SNX19: variants seen among roughly 807,000 people sequenced by gnomAD.
The protein encoded by SNX19 is sorting nexin-19.
A neutral mutation model predicts 85.2 loss-of-function variants in SNX19; 60 were observed. That is an observed-to-expected ratio of 0.70 (90% CI 0.57 to 0.87). The LOEUF (loss-of-function observed/expected upper bound fraction) is 0.87. Ranked by LOEUF, SNX19 falls within the 40% of genes least tolerant of loss-of-function variation. The pLI is 0.00. For synonymous variants in SNX19, 520 were observed against 470.0 expected, an observed-to-expected ratio of 1.11 and a Z score of -1.38; for missense variants, 1,201 against 1,217.8, an observed-to-expected ratio of 0.99 and a Z score of 0.21.
chr11:130,886,984 A>C (rs988274939), intron 8 of SNX19, among the ~76,000 whole-genome samples: 41 of 152,320 alleles, frequency 2.7e-4, no homozygotes, highest in African/African-American at 9.1e-4. Flanking sequence ...CCCGAGGGCA[A>C]GAAACTACCA....
At chr11:130,908,122 C>T (rs1184835826) in intron 4 of SNX19, 39 bp from the exon 5 acceptor site, 1 of 1,606,720 alleles carries the variant, frequency 6.2e-7, no homozygotes, top group Non-Finnish European at 8.5e-7. Context: ...CCATCCACAT[C>T]CACAGATGGA....
In SNX19 at chr11:130,878,130, AG is replaced by A. The variant is rs138136433; in HGVS notation, c.*291del. ...GGAGGATGGCAAAAGGAGAAGCAAA[AG>A]GGGTTCATTCCTCTACCTCACAGCT... On this transcript the variant is annotated 3_prime_UTR_variant, in exon 11 of 11. Coordinates refer to ENST00000265909, the MANE Select transcript of SNX19 (RefSeq NM_014758.3). The A allele has an allele frequency of 0.068, 16,067 of 237,436 alleles. 719 individuals are homozygous for A. The highest frequency in any genetic ancestry group is 0.13 in the African/African-American group (5,822 of 45,266). 14.7% of individuals were successfully genotyped at this position (237,436 alleles called of 1,614,324 possible). A position where few individuals can be genotyped will look rare whatever the true frequency, so the allele number is the denominator to read the frequency against.
At position 130,876,601 on chromosome 11, in the gene SNX19, AAGGT is replaced by A. The variant is rs3833777; in HGVS notation, c.*1817_*1820del. On this transcript the variant is annotated 3_prime_UTR_variant, in exon 11 of 11. Transcript: ENST00000265909. The stretch of plus-strand genomic sequence containing the variant: ...CAGGTGGCTAAGTACACATGAGGGG[AAGGT>A]AGGTATGGGGAGAGAAAAGTGGCAT... 0.78 allele frequency: 118,899 copies of A among 151,936 alleles called. 46,957 individuals are homozygous for A. The highest frequency in any genetic ancestry group is 0.87 in the African/African-American group (36,108 of 41,296). 9.4% of individuals were successfully genotyped at this position (151,936 alleles called of 1,614,324 possible).
In SNX19 at chr11:130,869,991, A is replaced by C. The variant is rs559117851; in HGVS notation, c.*8431T>G. The C allele has an allele frequency of 6.6e-6, 1 of 152,196 alleles. No individual in the cohort carries two copies. Among genetic ancestry groups the C allele is most frequent in the South Asian group, 2.1e-4 (1 of 4,812 alleles). The allele number at this position is 152,196 out of a possible 1,614,324, so 9.4% of individuals were successfully genotyped here. A position where few individuals can be genotyped will look rare whatever the true frequency, so the allele number is the denominator to read the frequency against. On this transcript the variant is annotated 3_prime_UTR_variant, in exon 11 of 11. Transcript: ENST00000265909. ...ATGACAGATATGAAGAGTTTTTTGA[A>C]GAAAGTTTCTTCTCTGTTGCTATTT...
At position 130,868,829 on chromosome 11, in the gene SNX19, T is replaced by C. The variant is rs12099327; in HGVS notation, c.*9593A>G. 0.078 allele frequency: 11,932 copies of C among 152,172 alleles called. 577 individuals carry two copies. Among genetic ancestry groups the C allele is most frequent in the African/African-American group, 0.13 (5,476 of 41,438 alleles). 9.4% of individuals were successfully genotyped at this position (152,172 alleles called of 1,614,324 possible). On this transcript the variant is annotated 3_prime_UTR_variant, in exon 11 of 11. Transcript: ENST00000265909. Reference sequence around the variant, plus strand: ...GGGGTTGTGAGGCGTGTGGGCTCCATTGTGAGTGTAGGAAAGATGGAAAGA... The same window carrying C: ...GGGGTTGTGAGGCGTGTGGGCTCCACTGTGAGTGTAGGAAAGATGGAAAGA...
At chr11:130,894,841 A>G in intron 8 of SNX19, 1 of 985,444 alleles carries the variant, frequency 1.0e-6, no homozygotes. Context: ...CACAAGATCT[A>G]GCTGTTATAC....
At position 130,905,961 on chromosome 11, in the gene SNX19, C is replaced by A; in HGVS notation, c.2435G>T (p.Ser812Ile). 2 of 1,614,244 alleles carry A rather than the reference C, an allele frequency of 1.2e-6. No individual in the cohort carries two copies. Among genetic ancestry groups the A allele is most frequent in the Non-Finnish European group, 1.7e-6 (2 of 1,180,050 alleles). Residue 812 changes from serine to isoleucine, a missense_variant, in exon 7 of 11, where the codon AGC becomes ATC. This residue lies in a region of SNX19 where 285 missense variants were observed against 295.3 expected (regional missense o/e 0.97). Transcript: ENST00000265909. ...AAVPAQDPSN[S>I]DPGTETELAD... ...GAGACCTCGCCACTCACCTGGATCG[C>A]TGTTGCTGGGGTCTTGGGCTGGCAC...
chr11:130,910,901 T>G (rs1946057469), intron 2 of SNX19, among the ~76,000 whole-genome samples: 1 of 152,136 alleles, frequency 6.6e-6, no homozygotes, highest in African/African-American at 2.4e-5. Context: ...TTTATTACAT[T>G]AAAAAATATT....
intron 8 of SNX19, among the ~76,000 whole-genome samples, chr11:130,885,836 C>T (rs1944019961): frequency 6.6e-6 from 1 of 152,198 alleles, no homozygotes; most frequent in African/African-American, 2.4e-5. Context: ...AAGCTTCTAT[C>T]ATCCTAAGTA....
intron 8 of SNX19, chr11:130,893,958 G>T (rs890591717): frequency 5.2e-5 from 31 of 601,050 alleles, no homozygotes; most frequent in Non-Finnish European, 8.3e-5. Flanking sequence ...CAGAGGTAAA[G>T]ATCAAAAGTA....
intron 8 of SNX19, among the ~76,000 whole-genome samples, chr11:130,885,767 A>AGCCTT (rs1944014437): frequency 8.7e-6 from 1 of 115,034 alleles, no homozygotes; most frequent in Non-Finnish European, 2.0e-5. Context: ...ATTATGCTCC[A>AGCCTT]ACCTTAAGAT....
intron 8 of SNX19, among the ~76,000 whole-genome samples, chr11:130,900,480 C>G (rs547295364): frequency 6.6e-6 from 1 of 152,284 alleles, no homozygotes; most frequent in Admixed American, 6.5e-5. Flanking sequence ...TCCCAGGGCC[C>G]CGGCCACATG....
At chr11:130,890,467 A>G (rs986556430) in intron 8 of SNX19, among the ~76,000 whole-genome samples, 1 of 152,192 alleles carries the variant, frequency 6.6e-6, no homozygotes, top group Non-Finnish European at 1.5e-5. Context: ...TATGTTTTGT[A>G]AAATTGTTTC....
At chr11:130,882,184 G>A (rs1943724540) in intron 8 of SNX19, among the ~76,000 whole-genome samples, 1 of 152,188 alleles carries the variant, frequency 6.6e-6, no homozygotes, top group Admixed American at 6.5e-5. Context: ...TGAGGTTCAA[G>A]GCTGTTGAGG....
chr11:130,893,641 A>G, intron 8 of SNX19: 1 of 604,418 alleles, frequency 1.7e-6, no homozygotes, highest in Non-Finnish European at 2.9e-6. Flanking sequence ...CAGAATCTCC[A>G]CAGAATAGGA....
rs772875754 is a variant in SNX19 at position 130,879,715 on chromosome 11, A to G, written c.2759-4T>C. 2 of 1,613,492 alleles carry G rather than the reference A, an allele frequency of 1.2e-6. No homozygotes were observed. The highest frequency in any genetic ancestry group is 1.7e-6 in the Non-Finnish European group (2 of 1,179,582). On this transcript the variant is annotated splice_polypyrimidine_tract_variant and splice_region_variant and intron_variant, in intron 9 of 10. Transcript: ENST00000265909. ...CCAAGAATTTCTACTACGAGATCTG[A>G]GGAGGAAAAAACAGATGGAATTTGC...
intron 10 of SNX19, among the ~76,000 whole-genome samples, chr11:130,878,996 G>A (rs904420208): frequency 6.6e-6 from 1 of 152,204 alleles, no homozygotes; most frequent in African/African-American, 2.4e-5. Context: ...CTTTGGGGTA[G>A]GGTTTGAGTG....
Position 130,910,036 on chromosome 11 carries a change from C to G in SNX19, c.2016G>C (p.Met672Ile), listed in dbSNP as rs1430857766. Reference protein sequence around the residue: ...ARIAFVKKPFMVSRIDKMVVS... With the variant: ...ARIAFVKKPFIVSRIDKMVVS... Reference sequence around the variant, plus strand: ...CTGGTACCTTGTCTATTCTAGAGACCATAAATGGTTTCTTGACAAAGGCAA... The same window carrying G: ...CTGGTACCTTGTCTATTCTAGAGACGATAAATGGTTTCTTGACAAAGGCAA... Residue 672 changes from methionine to isoleucine, a missense_variant, in exon 4 of 11, where the codon ATG (methionine) becomes ATC (isoleucine). This residue lies in a region of SNX19 where 125 missense variants were observed against 171.6 expected (regional missense o/e 0.73). Transcript: ENST00000265909. 1.2e-6 allele frequency: 2 copies of G among 1,613,526 alleles called. No homozygotes were observed. The highest frequency in any genetic ancestry group is 1.3e-5 in the African/African-American group (1 of 74,902).
intron 2 of SNX19, among the ~76,000 whole-genome samples, chr11:130,910,753 C>T (rs964565993): frequency 1.2e-4 from 18 of 152,094 alleles, no homozygotes; most frequent in African/African-American, 4.3e-4. Flanking sequence ...GAACCTGGCG[C>T]ATATTTTCAA....
Sources: allele counts gnomAD v4.1 joint callset (sites outside exome capture counted in the v4.1 genomes callset), GRCh38; gene constraint gnomAD v4.1.1; regional missense constraint gnomAD v4.1.1; transcripts MANE v1.5; gene names NCBI Gene and HGNC (gene_info 2026-07-23, HGNC 2026-07-21).